The following GLRX3 variants were observed in gnomAD, a reference collection of about 807,000 sequenced individuals.
GLRX3 encodes the protein glutaredoxin-3.
A neutral mutation model predicts 49.5 loss-of-function variants in GLRX3; 22 were observed. The observed-to-expected ratio is 0.44, with a 90% confidence interval of 0.32 to 0.63. The LOEUF is 0.63. Ranked by LOEUF, GLRX3 falls within the 30% of genes least tolerant of loss-of-function variation. The probability of loss-of-function intolerance (pLI) is 0.05; values close to 1 mark genes in which losing one functional copy is unlikely to be tolerated. For synonymous variants in GLRX3, 133 were observed against 140.0 expected (o/e 0.95, Z 0.35); for missense variants, 385 against 396.3 (o/e 0.97, Z 0.24).
intron 8 of GLRX3, among the ~76,000 whole-genome samples, chr10:130,173,546 T>C (rs534614000): frequency 7.4e-4 from 112 of 152,296 alleles, no homozygotes; most frequent in African/African-American, 2.6e-3. Context: ...ACCAAGTGTA[T>C]ATTGAGGTTT....
intron 4 of GLRX3, among the ~76,000 whole-genome samples, chr10:130,161,614 C>T (rs1215465734): frequency 3.3e-5 from 5 of 152,172 alleles, no homozygotes; most frequent in Non-Finnish European, 5.9e-5. Context: ...CACATGGATG[C>T]TTATAATTTT....
At chr10:130,166,344 A>G (rs951866008) in intron 4 of GLRX3, among the ~76,000 whole-genome samples, 163 bp from the exon 5 acceptor site, 17 of 150,814 alleles carry the variant, frequency 1.1e-4, no homozygotes, top group Non-Finnish European at 1.9e-4. Context: ...CCAGGAATTT[A>G]TTTTCTCTTT....
chr10:130,145,268 C>T lies in GLRX3; in HGVS notation c.150C>T (p.Asn50=), dbSNP rs769835521. ...APWAPQCAQM[N]EVMAELAKEL... ...GGGCTCCACAGTGTGCACAGATGAACGAAGTTATGGCAGAGTTAGCTAAAG... is the reference window on the plus strand; with the variant it reads ...GGGCTCCACAGTGTGCACAGATGAATGAAGTTATGGCAGAGTTAGCTAAAG... The change falls in exon 2 of 11, where the codon AAC becomes AAT. Residue 50 remains asparagine (N), a synonymous_variant. Coordinates refer to ENST00000331244, the MANE Select transcript of GLRX3 (RefSeq NM_006541.5). The T allele has an allele frequency of 3.3e-5, 52 of 1,580,366 alleles. No homozygotes were observed. Among genetic ancestry groups the T allele is most frequent in the South Asian group, 4.4e-5 (4 of 90,184 alleles).
chr10:130,169,749 CTT>C (rs1189541307), intron 7 of GLRX3, among the ~76,000 whole-genome samples: 1 of 152,210 alleles, frequency 6.6e-6, no homozygotes, highest in African/African-American at 2.4e-5. Context: ...ACTGTTAACA[CTT>C]TACTGGTTGT....
At chr10:130,159,931 T>G (rs1590066430) in intron 2 of GLRX3, 64 bp from the exon 3 acceptor site, 1 of 1,290,552 alleles carries the variant, frequency 7.7e-7, no homozygotes, top group Non-Finnish European at 1.1e-6. Flanking sequence ...TGAAACTGAT[T>G]TACATATTAA....
intron 3 of GLRX3, among the ~76,000 whole-genome samples, chr10:130,160,298 C>T (rs1233786731): frequency 6.6e-6 from 1 of 152,200 alleles, no homozygotes; most frequent in Non-Finnish European, 1.5e-5. Flanking sequence ...GGGCCAGCAG[C>T]CAGAATCAGA....
At position 130,139,990 on chromosome 10, in the gene GLRX3, T is replaced by C. The variant is rs575844683; in HGVS notation, c.92+3478T>C. ...TGATGTAATAATTTTAAATCTACTT[T>C]CCAAATCATCGCTTCTCCAATTTTA... On this transcript the variant is annotated intron_variant, in intron 1 of 10. Transcript: ENST00000331244. Among the ~76,000 whole-genome samples, 272 of 152,366 alleles carry C rather than the reference T, an allele frequency of 1.8e-3. 3 individuals carry two copies. The highest frequency in any genetic ancestry group is 3.5e-3 in the Non-Finnish European group (236 of 68,042).
rs755248203 is a variant in GLRX3 at position 130,167,089 on chromosome 10, A to G, written c.713+109A>G. 599 of 565,778 alleles carry G rather than the reference A, an allele frequency of 1.1e-3. 1 individual carries two copies. Among genetic ancestry groups the G allele is most frequent in the Non-Finnish European group, 1.6e-3 (522 of 329,414 alleles). The allele number at this position is 565,778 out of a possible 1,614,324, so 35.0% of individuals were successfully genotyped here. ...TCTGTGTAGAAATCAAGGATTTGGT[A>G]TGCCAGACGTCATAATTGTTTAGTC... On this transcript the variant is annotated intron_variant, in intron 6 of 10. Transcript: ENST00000331244.
Position 130,160,894 on chromosome 10 carries a change from T to C in GLRX3, c.375T>C (p.Ala125=), listed in dbSNP as rs1480310650. Residue 125 remains alanine, a synonymous_variant, in exon 4 of 11, where the codon GCT becomes GCC. Coordinates refer to ENST00000331244, the MANE Select transcript of GLRX3 (RefSeq NM_006541.5). ...HASSGSFLPS[A]NEHLKEDLNL... The stretch of plus-strand genomic sequence containing the variant: ...CTAGTGGCTCCTTCCTACCCAGCGC[T>C]AATGAACATCTTAAAGAAGATCTCA... The C allele has an allele frequency of 6.2e-6, 10 of 1,612,292 alleles. No individual in the cohort carries two copies. The highest frequency in any genetic ancestry group is 4.4e-5 in the South Asian group (4 of 91,042).
rs371954400 is a variant in GLRX3 at position 130,155,305 on chromosome 10, A to G, written c.202-4690A>G. Among the ~76,000 whole-genome samples the G allele has an allele frequency of 1.1e-4, 17 of 152,336 alleles. No homozygotes were observed. The South Asian group carries it at 3.5e-3, about 32-fold the overall frequency. ...CAGTGACCTTGTGGGGAACGATAACATTCAGGTCTTATTCCAAGTGCAATA... is the reference window on the plus strand; with the variant it reads ...CAGTGACCTTGTGGGGAACGATAACGTTCAGGTCTTATTCCAAGTGCAATA... On this transcript the variant is annotated intron_variant, in intron 2 of 10. Coordinates refer to ENST00000331244, the MANE Select transcript of GLRX3 (RefSeq NM_006541.5).
intron 2 of GLRX3, among the ~76,000 whole-genome samples, chr10:130,154,776 G>A (rs138547519): frequency 3.3e-5 from 5 of 152,136 alleles, no homozygotes; most frequent in East Asian, 3.9e-4. Context: ...ACTAAATGCC[G>A]CACAGTAGTC....
rs1862561709 is a variant in GLRX3 at position 130,160,851 on chromosome 10, A to C, written c.332A>C (p.Lys111Thr). ...GCACATGCCCCAGAGTTGACCAAAAAAGTTCAGCGACATGCATCTAGTGGC... is the reference window on the plus strand; with the variant it reads ...GCACATGCCCCAGAGTTGACCAAAACAGTTCAGCGACATGCATCTAGTGGC... ...DGAHAPELTK[K>T]VQRHASSGSF... The change falls in exon 4 of 11, where the codon AAA (lysine) becomes ACA (threonine). Residue 111 changes from lysine (K) to threonine (T), a missense_variant. Transcript: ENST00000331244. 1 of 1,611,388 alleles carries C rather than the reference A, an allele frequency of 6.2e-7. No homozygotes were observed. Among genetic ancestry groups the C allele is most frequent in the Non-Finnish European group, 8.5e-7 (1 of 1,177,616 alleles).
In GLRX3 at chr10:130,136,495, G is replaced by C; in HGVS notation, c.75G>C (p.Leu25=). 7.9e-7 allele frequency: 1 copy of C among 1,264,216 alleles called. No homozygotes were observed. The highest frequency in any genetic ancestry group is 1.0e-6 in the Non-Finnish European group (1 of 997,934). The allele number at this position is 1,264,216 out of a possible 1,614,324, so 78.3% of individuals were successfully genotyped here. A position where few individuals can be genotyped will look rare whatever the true frequency, so the allele number is the denominator to read the frequency against. ...EVGSAGQFEE[L]LRLKAKSLLV... is the part of the protein sequence containing the mutation. ...GCTCAGCCGGGCAGTTTGAGGAGCT[G>C]CTGCGCCTCAAAGCCAAGTAAGCGG... The change falls in exon 1 of 11, where the codon CTG becomes CTC. Residue 25 remains leucine, a synonymous_variant. Transcript: ENST00000331244.
At chr10:130,170,008 G>A (rs1029000978) in intron 7 of GLRX3, among the ~76,000 whole-genome samples, 7 of 152,188 alleles carry the variant, frequency 4.6e-5, no homozygotes, top group African/African-American at 1.7e-4. Flanking sequence ...TTTGATGTAA[G>A]TACATATTGA....
intron 2 of GLRX3, among the ~76,000 whole-genome samples, chr10:130,156,536 TTAAG>T (rs1489492194): frequency 7.3e-6 from 1 of 137,794 alleles, no homozygotes; most frequent in African/African-American, 3.1e-5. Flanking sequence ...GTTGTAAGGA[TTAAG>T]TGAGTCTATA....
chr10:130,142,346 A>G (rs1386185568), intron 1 of GLRX3, among the ~76,000 whole-genome samples: 2 of 151,886 alleles, frequency 1.3e-5, no homozygotes, highest in Admixed American at 6.6e-5. Flanking sequence ...AACACTTACC[A>G]TTTATTTGTA....
chr10:130,153,801 T>C (rs4001969), intron 2 of GLRX3, among the ~76,000 whole-genome samples: 54,976 of 151,964 alleles, frequency 0.36, 10,079 homozygotes, highest in South Asian at 0.46. Flanking sequence ...GGATCTTGAA[T>C]GCCATGCTGG....
chr10:130,174,376 G>A (rs1026589407), intron 8 of GLRX3, among the ~76,000 whole-genome samples: 6 of 152,262 alleles, frequency 3.9e-5, no homozygotes, highest in African/African-American at 1.2e-4. Context: ...GGGTAAGAGT[G>A]TTCAGTTAAT....
chr10:130,146,345 A>G (rs1400578151), intron 2 of GLRX3, among the ~76,000 whole-genome samples: 1 of 152,196 alleles, frequency 6.6e-6, no homozygotes, highest in Non-Finnish European at 1.5e-5. Context: ...CTTGGTTTAG[A>G]TGAAGGCAGA....
Sources: allele counts gnomAD v4.1 joint callset (sites outside exome capture counted in the v4.1 genomes callset), GRCh38; gene constraint gnomAD v4.1.1; transcripts MANE v1.5; gene names NCBI Gene and HGNC (gene_info 2026-07-23, HGNC 2026-07-21).